The following GNAL variants were observed in gnomAD, a reference collection of about 807,000 sequenced individuals.
The protein encoded by GNAL is G protein subunit alpha L.
A neutral mutation model predicts 55.1 loss-of-function variants in GNAL; 18 were observed. That is an observed-to-expected ratio of 0.33 (90% CI 0.23 to 0.48). GNAL has a LOEUF of 0.48. Among genes scored for constraint, GNAL ranks in the 20% least tolerant of loss-of-function variants. The probability of loss-of-function intolerance (pLI) is 0.99; values close to 1 mark genes in which losing one functional copy is unlikely to be tolerated. For synonymous variants in GNAL, 253 were observed against 237.0 expected (o/e 1.07, Z -0.62); for missense variants, 412 against 614.1 (o/e 0.67, Z 3.48).
intron 5 of GNAL, among the ~76,000 whole-genome samples, chr18:11,858,876 G>A (rs900739958): frequency 2.0e-5 from 3 of 152,086 alleles, no homozygotes; most frequent in African/African-American, 4.8e-5. Flanking sequence ...GGAGGTTGGC[G>A]ACAGGAGAAG....
intron 6 of GNAL, among the ~76,000 whole-genome samples, chr18:11,863,106 T>C (rs2036185443): frequency 6.6e-6 from 1 of 152,154 alleles, no homozygotes; most frequent in Non-Finnish European, 1.5e-5. Flanking sequence ...CTCAAACTCC[T>C]GACCTCAAGT....
intron 1 of GNAL, among the ~76,000 whole-genome samples, chr18:11,739,592 T>C (rs2032532299): frequency 6.6e-6 from 1 of 152,210 alleles, no homozygotes; most frequent in Non-Finnish European, 1.5e-5. Flanking sequence ...GCATCGCTCC[T>C]TAGCTCTTTA....
At position 11,828,120 on chromosome 18, in the gene GNAL, CAG is replaced by C. The variant is rs1054422638; in HGVS notation, c.722+3106_722+3107del. Reference sequence around the variant, plus strand: ...GGATGTGGGAGTTTGGAAAGGCTCTCAGGGGAACTCCAATGCAGTCTGAGCAG... The same window carrying C: ...GGATGTGGGAGTTTGGAAAGGCTCTCGGGAACTCCAATGCAGTCTGAGCAG... On this transcript the variant is annotated intron_variant, in intron 5 of 11. Coordinates refer to ENST00000334049, the MANE Select transcript of GNAL (RefSeq NM_182978.4). Among the ~76,000 whole-genome samples the C allele has an allele frequency of 5.9e-5, 9 of 152,188 alleles. 1 individual carries two copies. Among genetic ancestry groups the C allele is most frequent in the Non-Finnish European group, 1.0e-4 (7 of 68,042 alleles).
rs577547266 is a variant in GNAL, at chr18:11,714,223, C to T, written c.376+24284C>T. ...AAAAGTATTTGAGACAGATCTCAGT[C>T]GGTTTAGTTTCATTTTGCCAAGGTT... On this transcript the variant is annotated intron_variant, in intron 1 of 11. Transcript: ENST00000334049. Among the ~76,000 whole-genome samples the T allele has an allele frequency of 2.6e-5, 4 of 152,252 alleles. No homozygotes were observed. In the South Asian group the frequency reaches 8.3e-4, roughly 32 times the overall value.
chr18:11,829,284 C>T (rs539055006), intron 5 of GNAL, among the ~76,000 whole-genome samples: 2 of 152,260 alleles, frequency 1.3e-5, no homozygotes, highest in South Asian at 2.1e-4. Context: ...TAACTTCTCC[C>T]GTTTAGCTCG....
intron 5 of GNAL, among the ~76,000 whole-genome samples, chr18:11,856,094 A>G (rs1345097464): frequency 6.6e-6 from 1 of 151,458 alleles, no homozygotes; most frequent in Non-Finnish European, 1.5e-5. Context: ...TTCCTCTGCA[A>G]AAACACAACA....
intron 1 of GNAL, among the ~76,000 whole-genome samples, chr18:11,734,803 A>G (rs997764795): frequency 6.6e-6 from 1 of 150,586 alleles, no homozygotes; most frequent in Admixed American, 6.7e-5. Flanking sequence ...TCTACTGGAG[A>G]AACTTGGCAT....
chr18:11,817,636 C>G (rs930185701), intron 4 of GNAL, among the ~76,000 whole-genome samples: 12 of 152,256 alleles, frequency 7.9e-5, no homozygotes, highest in African/African-American at 2.9e-4. Flanking sequence ...ATTTCTTGCT[C>G]TGTCGCCCAG....
At chr18:11,747,920 G>A (rs986764079) in intron 1 of GNAL, among the ~76,000 whole-genome samples, 2 of 152,014 alleles carry the variant, frequency 1.3e-5, no homozygotes, top group African/African-American at 4.8e-5. Flanking sequence ...GTGTGTTGCC[G>A]GGGAGCGCAA....
At chr18:11,837,705 G>A (rs542206062) in intron 5 of GNAL, among the ~76,000 whole-genome samples, 1 of 152,280 alleles carries the variant, frequency 6.6e-6, no homozygotes, top group Admixed American at 6.5e-5. Context: ...AAACAAACTG[G>A]TAGTTCTAAA....
chr18:11,772,936 C>G lies in GNAL; in HGVS notation c.624+18991C>G, dbSNP rs568539208. Among the ~76,000 whole-genome samples the G allele has an allele frequency of 7.2e-5, 11 of 152,348 alleles. No homozygotes were observed. The South Asian group carries it at 2.3e-3, about 32-fold the overall frequency. On this transcript the variant is annotated intron_variant, in intron 4 of 11. Transcript: ENST00000334049. ...TCCCTGTCCTGCGAAGACAGCATTG[C>G]CATCGAGTGGTAGGTATCCTCCCTG... is the stretch of plus-strand genomic sequence containing the variant.
chr18:11,724,332 A>G (rs188973213), intron 1 of GNAL, among the ~76,000 whole-genome samples: 1 of 152,236 alleles, frequency 6.6e-6, no homozygotes, highest in East Asian at 1.9e-4. Flanking sequence ...TTCACTTCCT[A>G]GGACTGCCCT....
chr18:11,707,572 A>T (rs1371663451), intron 1 of GNAL, among the ~76,000 whole-genome samples: 1 of 152,172 alleles, frequency 6.6e-6, no homozygotes, highest in East Asian at 1.9e-4. Context: ...GGGCCCTAGG[A>T]TTTTCAGAAT....
intron 4 of GNAL, among the ~76,000 whole-genome samples, chr18:11,813,198 T>A (rs577554810): frequency 6.8e-6 from 1 of 146,752 alleles, no homozygotes; most frequent in East Asian, 2.0e-4. Context: ...GAGGTTGCAG[T>A]GAGCCGAGAT....
At chr18:11,704,514 T>C (rs563589197) in intron 1 of GNAL, among the ~76,000 whole-genome samples, 2 of 152,306 alleles carry the variant, frequency 1.3e-5, no homozygotes, top group East Asian at 1.9e-4. Context: ...ATCTGTAATA[T>C]GTGCCTCAAC....
chr18:11,753,872 C>A lies in GNAL; in HGVS notation c.551C>A (p.Ala184Asp). Residue 184 changes from alanine to aspartate, a missense_variant, in exon 4 of 12, where the codon GCC becomes GAC. Physicochemically the swap from Ala to Asp is moderately radical, Grantham distance 126. Around this residue, in one of 5 missense-constraint regions of GNAL, gnomAD observed 47 missense variants for 82.7 expected, o/e 0.57. Transcript: ENST00000334049. ...MSTIIPPVPL[A>D]NPENQFRSDY... is the part of the protein sequence containing the mutation. ...ACTATAATACCTCCAGTTCCGCTGG[C>A]CAACCCTGAAAACCAATTTCGATCA... 6.2e-7 allele frequency: 1 copy of A among 1,608,978 alleles called. No individual in the cohort carries two copies. Among genetic ancestry groups the A allele is most frequent in the African/African-American group, 1.3e-5 (1 of 74,936 alleles).
At chr18:11,721,620 G>A (rs939625761) in intron 1 of GNAL, among the ~76,000 whole-genome samples, 1 of 152,068 alleles carries the variant, frequency 6.6e-6, no homozygotes, top group African/African-American at 2.4e-5. Flanking sequence ...GCCAGGCATG[G>A]TGGCAGGTAC....
chr18:11,717,352 A>G (rs1243707023), intron 1 of GNAL, among the ~76,000 whole-genome samples: 1 of 152,206 alleles, frequency 6.6e-6, no homozygotes, highest in African/African-American at 2.4e-5. Flanking sequence ...GGGGGCTCCC[A>G]CAGTGCAGTG....
At chr18:11,747,197 G>A in intron 1 of GNAL, 1 of 385,142 alleles carries the variant, frequency 2.6e-6, no homozygotes, top group Non-Finnish European at 5.1e-6. Flanking sequence ...ACATGTCTCT[G>A]CCACCAGAAA....
Sources: gnomAD v4.1 joint callset for allele counts (sites outside exome capture counted in the v4.1 genomes callset) on GRCh38, gnomAD v4.1.1 for gene constraint, gnomAD v4.1.1 regional missense constraint, MANE v1.5 for transcripts, NCBI Gene and HGNC (gene_info 2026-07-23, HGNC 2026-07-21) for gene names.